Variants in ATG4B observed in about 807,000 individuals in gnomAD.
ATG4B encodes the protein autophagy related 4B cysteine peptidase, also known as cysteine protease ATG4B.
Under a neutral mutation model 56.6 loss-of-function variants are expected in ATG4B, and 29 were observed. The ratio of observed to expected loss-of-function variants is 0.51; its 90% CI spans 0.38 to 0.70. ATG4B has a LOEUF of 0.70. ATG4B is among the 30% of genes least tolerant of loss of function. The probability of loss-of-function intolerance (pLI) is 0.00; values close to 1 mark genes in which losing one functional copy is unlikely to be tolerated. For missense variants in ATG4B, 461 were observed against 515.5 expected, an observed-to-expected ratio of 0.89 and a Z score of 1.02; for synonymous variants, 224 against 206.1, an observed-to-expected ratio of 1.09 and a Z score of -0.74.
chr2:241,664,285 T>G (rs1228576736), intron 7 of ATG4B, among the ~76,000 whole-genome samples: 1 of 152,100 alleles, frequency 6.6e-6, no homozygotes, highest in African/African-American at 2.4e-5. Flanking sequence ...TCCTAGCACT[T>G]TGGGAGGTGG....
chr2:241,654,785 C>T (rs1223596254), intron 5 of ATG4B, 138 bp downstream of exon 5: 1 of 680,182 alleles, frequency 1.5e-6, no homozygotes, highest in Non-Finnish European at 2.6e-6. Flanking sequence ...GACCTCTGAC[C>T]ATCTGTGCGC....
At chr2:241,642,872 CTTTTTTTTTTTTTTTTT>C (rs1165718825) in intron 1 of ATG4B, among the ~76,000 whole-genome samples, 16 of 104,258 alleles carry the variant, frequency 1.5e-4, no homozygotes, top group Non-Finnish European at 2.1e-4. Flanking sequence ...CCTCTCCGTC[CTTTTTTTTTTTTTTTTT>C]TTTTTTTTTA....
rs1485068652 is a variant in ATG4B at position 241,651,212 on chromosome 2, C to G, written c.113-52C>G. 8.3e-6 allele frequency: 13 copies of G among 1,557,060 alleles called. No individual in the cohort carries two copies. The highest frequency in any genetic ancestry group is 1.1e-5 in the Non-Finnish European group (13 of 1,144,944). On this transcript the variant is annotated intron_variant, in intron 2 of 12. Transcript: ENST00000404914. This position sits in a 1 kb window ranked among gnomAD's most constrained non-coding sequence, Gnocchi z 4.1. ...TAACTCTGCCATAACTTGTGACTTG[C>G]AAACTTAAGGCGTTGTGTGTGTGTG...
chr2:241,659,779 A>ACCGCC (rs1388532382), intron 7 of ATG4B: 1 of 166,978 alleles, frequency 6.0e-6, no homozygotes, highest in Non-Finnish European at 1.3e-5. Context: ...AAAATGCCTC[A>ACCGCC]TTGCCTTTTT....
rs2069011542 is a variant in ATG4B at position 241,672,411 on chromosome 2, C to G, written c.*147C>G. The G allele has an allele frequency of 5.5e-6, 4 of 721,264 alleles. No individual in the cohort carries two copies. In the South Asian group the frequency reaches 7.2e-5, roughly 13 times the overall value. 44.7% of individuals were successfully genotyped at this position (721,264 alleles called of 1,614,324 possible). On this transcript the variant is annotated 3_prime_UTR_variant, in exon 13 of 13. Coordinates refer to ENST00000404914, the MANE Select transcript of ATG4B (RefSeq NM_013325.5). ...CACCCGCTGTGCTCGTGGACTGAGGCTGCGCTGCCCGGGAGGCCTTACTGC... is the reference window on the plus strand; with the variant it reads ...CACCCGCTGTGCTCGTGGACTGAGGGTGCGCTGCCCGGGAGGCCTTACTGC...
intron 10 of ATG4B, among the ~76,000 whole-genome samples, chr2:241,669,569 ACG>A (rs2068892424): frequency 1.3e-5 from 2 of 152,072 alleles, no homozygotes; most frequent in African/African-American, 4.8e-5. Context: ...GTGCAGTGGC[ACG>A]ATCTCGGCTC....
intron 1 of ATG4B, among the ~76,000 whole-genome samples, chr2:241,639,999 T>C (rs1314763295): frequency 6.6e-6 from 1 of 152,160 alleles, no homozygotes; most frequent in Non-Finnish European, 1.5e-5. Flanking sequence ...CACCCCTCTC[T>C]GCCTAGGATT....
chr2:241,658,802 C>A (rs994226581), intron 6 of ATG4B, among the ~76,000 whole-genome samples: 2 of 152,252 alleles, frequency 1.3e-5, no homozygotes, highest in African/African-American at 2.4e-5. Flanking sequence ...CGTTCATGTT[C>A]TAGTTCCTGC....
chr2:241,655,006 C>T (rs148145487), intron 5 of ATG4B: 19,644 of 576,878 alleles, frequency 0.034, 766 homozygotes, highest in African/African-American at 0.13. Flanking sequence ...CAAGCAAGGC[C>T]GGCTTTTGAG....
chr2:241,641,623 C>T (rs762592292), intron 1 of ATG4B, among the ~76,000 whole-genome samples: 3 of 150,680 alleles, frequency 2.0e-5, no homozygotes, highest in South Asian at 2.1e-4. Flanking sequence ...CTTTCTGTTG[C>T]GAGTTTGGAT....
At position 241,664,279 on chromosome 2, in the gene ATG4B, A is replaced by G. The variant is rs192375704; in HGVS notation, c.539-2366A>G. ...CACTGTGGCTCCCGCCTGTAATCCT[A>G]GCACTTTGGGAGGTGGAGGCAGGCA... is the stretch of plus-strand genomic sequence containing the variant. On this transcript the variant is annotated intron_variant, in intron 7 of 12. Coordinates refer to ENST00000404914, the MANE Select transcript of ATG4B (RefSeq NM_013325.5). 2.7e-3 allele frequency among the ~76,000 whole-genome samples: 416 copies of G among 152,328 alleles called. 2 individuals carry two copies. The highest frequency in any genetic ancestry group is 9.4e-3 in the African/African-American group (390 of 41,568).
chr2:241,652,280 C>T (rs991466574), intron 3 of ATG4B, among the ~76,000 whole-genome samples: 4 of 152,250 alleles, frequency 2.6e-5, no homozygotes, highest in African/African-American at 4.8e-5. Flanking sequence ...TTCGCAGCTG[C>T]GCTGAACCTG....
chr2:241,637,876 C>G (rs1188847358), intron 1 of ATG4B, 152 bp downstream of exon 1: 25 of 205,026 alleles, frequency 1.2e-4, no homozygotes, highest in East Asian at 7.1e-4. Flanking sequence ...GAGCGCGGGG[C>G]GGTGTTGGTG....
rs1244288947 is a variant in ATG4B at position 241,668,123 on chromosome 2, A to T, written c.733-20A>T. 2 of 1,575,682 alleles carry T rather than the reference A, an allele frequency of 1.3e-6. No homozygotes were observed. The stretch of plus-strand genomic sequence containing the variant: ...CTGCTCCCACCTGGGACCTGTGCTC[A>T]GTCCCCCGCCCCTCCACAGCACTGC... On this transcript the variant is annotated intron_variant, in intron 8 of 12. Transcript: ENST00000404914. The surrounding 1 kb of genome is among the most constrained non-coding windows in gnomAD (Gnocchi z 4.2).
In ATG4B at chr2:241,653,557, G is replaced by T; in HGVS notation, c.230G>T (p.Arg77Leu). The T allele has an allele frequency of 6.3e-7, 1 of 1,583,028 alleles. No homozygotes were observed. Among genetic ancestry groups the T allele is most frequent in the East Asian group, 2.3e-5 (1 of 43,278 alleles). Reference sequence around the variant, plus strand: ...GACACAGGCTGGGGCTGCATGCTGCGGTGTGGACAGATGATCTTTGCCCAA... The same window carrying T: ...GACACAGGCTGGGGCTGCATGCTGCTGTGTGGACAGATGATCTTTGCCCAA... Reference protein sequence around the residue: ...TSDTGWGCMLRCGQMIFAQAL... With the variant: ...TSDTGWGCMLLCGQMIFAQAL... Residue 77 changes from arginine to leucine, a missense_variant, in exon 4 of 13, where the codon CGG (arginine) becomes CTG (leucine). Arg to Leu is a moderately radical substitution (Grantham distance 102). Coordinates refer to ENST00000404914, the MANE Select transcript of ATG4B (RefSeq NM_013325.5).
At position 241,668,086 on chromosome 2, in the gene ATG4B, T is replaced by TG. The variant is rs35280638; in HGVS notation, c.733-51dup. 1.3e-6 allele frequency: 2 copies of TG among 1,528,958 alleles called. No individual in the cohort carries two copies. Among genetic ancestry groups the TG allele is most frequent in the South Asian group, 1.2e-5 (1 of 83,190 alleles). The allele number at this position is 1,528,958 out of a possible 1,614,324, so 94.7% of individuals were successfully genotyped here. On this transcript the variant is annotated intron_variant, in intron 8 of 12. Transcript: ENST00000404914. This position sits in a 1 kb window ranked among gnomAD's most constrained non-coding sequence, Gnocchi z 4.2. ...CCCTTGGGCCCCCTATGGCAGTGGG[T>TG]GGGGGGACCGTCTGCTCCCACCTGG... is the stretch of plus-strand genomic sequence containing the variant.
chr2:241,666,493 C>G (rs574927180), intron 7 of ATG4B, 152 bp from the exon 8 acceptor site: 1 of 810,150 alleles, frequency 1.2e-6, no homozygotes, highest in South Asian at 1.8e-5. Flanking sequence ...AATTTTCTTA[C>G]GCTTTTCTAT....
intron 1 of ATG4B, among the ~76,000 whole-genome samples, chr2:241,644,050 T>G (rs1339566904): frequency 6.6e-6 from 1 of 152,070 alleles, no homozygotes; most frequent in Admixed American, 6.6e-5. Flanking sequence ...CTCATACATC[T>G]GAGAGTCAGT....
intron 1 of ATG4B, 120 bp downstream of exon 1, chr2:241,637,844 G>A: frequency 1.6e-6 from 2 of 1,217,430 alleles, no homozygotes; most frequent in Non-Finnish European, 2.1e-6. Flanking sequence ...GCCAGGCTGG[G>A]CCGGGGCGGC....
Sources: gnomAD v4.1 joint callset for allele counts (sites outside exome capture counted in the v4.1 genomes callset) on GRCh38, gnomAD v4.1.1 for gene constraint, Gnocchi (gnomAD v3.1) non-coding constraint, MANE v1.5 for transcripts, NCBI Gene and HGNC (gene_info 2026-07-23, HGNC 2026-07-21) for gene names.